Variants in TM6SF2 observed in about 807,000 individuals in gnomAD.
The protein encoded by TM6SF2 is transmembrane 6 superfamily member 2.
Under a neutral mutation model 41.0 loss-of-function variants are expected in TM6SF2, and 29 were observed. The observed-to-expected ratio is 0.71, with a 90% CI of 0.53 to 0.96. TM6SF2 has a LOEUF of 0.96. TM6SF2 is among the 50% of genes least tolerant of loss of function. The pLI is 0.00. For missense variants in TM6SF2, 475 were observed against 499.0 expected (o/e 0.95, Z 0.46); for synonymous variants, 200 against 209.1 (o/e 0.96, Z 0.37).
intron 1 of TM6SF2, 99 bp from the exon 2 acceptor site, chr19:19,271,224 G>T: frequency 1.1e-6 from 1 of 932,958 alleles, no homozygotes; most frequent in Non-Finnish European, 1.8e-6. Context: ...GGAAGCCCCA[G>T]GGGAAGAGAC....
chr19:19,270,187 G>T lies in TM6SF2; in HGVS notation c.387C>A (p.Gly129=), dbSNP rs2074300. The T allele has an allele frequency of 0.19, 308,091 of 1,613,696 alleles. 31,676 individuals carry two copies. The highest frequency in any genetic ancestry group is 0.33 in the South Asian group (30,384 of 91,030). The change falls in exon 4 of 10, where the codon GGC becomes GGA. Residue 129 remains glycine, a synonymous_variant. Transcript: ENST00000389363. Reference sequence around the variant, plus strand: ...GCCTCCTGCACCTTCTGCAGATGGCGCCGGCCATGGCCAGGTAGAGGAGGT... The same window carrying T: ...GCCTCCTGCACCTTCTGCAGATGGCTCCGGCCATGGCCAGGTAGAGGAGGT... ...VHYLLYLAMA[G]AICRRKRYRN...
intron 1 of TM6SF2, among the ~76,000 whole-genome samples, chr19:19,272,803 G>A (rs1252337801): frequency 6.6e-6 from 1 of 151,960 alleles, no homozygotes; most frequent in Non-Finnish European, 1.5e-5. Context: ...CCTAGGCAGG[G>A]CGCATCCCTG....
chr19:19,272,776 C>A (rs2061029087), intron 1 of TM6SF2, among the ~76,000 whole-genome samples: 1 of 150,358 alleles, frequency 6.7e-6, no homozygotes, highest in African/African-American at 2.5e-5. Context: ...ATACTTTTAC[C>A]CTTGGTGACT....
intron 6 of TM6SF2, among the ~76,000 whole-genome samples, chr19:19,268,318 A>T (rs1303152256): frequency 6.9e-6 from 1 of 145,786 alleles, no homozygotes; most frequent in Non-Finnish European, 1.5e-5. Context: ...TGATCCTCCC[A>T]CCTCAGCCTC....
intron 4 of TM6SF2, 21 bp downstream of exon 4, chr19:19,270,152 C>G: frequency 6.2e-7 from 1 of 1,613,500 alleles, no homozygotes; most frequent in Non-Finnish European, 8.5e-7. Context: ...TCAGGGGCCA[C>G]CCTCTCCCTG....
rs202188864 is a variant in TM6SF2, at chr19:19,269,707, A to G, written c.464T>C (p.Phe155Ser). The change falls in exon 5 of 10, where the codon TTC becomes TCC. Residue 155 changes from phenylalanine (F) to serine (S), a missense_variant. Around this residue, in one of 3 missense-constraint regions of TM6SF2, gnomAD observed 238 missense variants for 228.6 expected, o/e 1.04. Transcript: ENST00000389363. The part of the protein sequence containing the change: ...LGSFAMSILV[F>S]LTGNILGKYS... ...CTTACCAAGAATGTTTCCTGTAAGGAACACCAGGATGCTCATGGCGAAGGA... is the reference window on the plus strand; with the variant it reads ...CTTACCAAGAATGTTTCCTGTAAGGGACACCAGGATGCTCATGGCGAAGGA... The G allele has an allele frequency of 4.5e-4, 721 of 1,614,136 alleles. No individual in the cohort carries two copies. The highest frequency in any genetic ancestry group is 5.7e-4 in the Non-Finnish European group (673 of 1,180,006).
In TM6SF2 at chr19:19,266,787, G is replaced by A. The variant is rs79552617; in HGVS notation, c.805-178C>T. ...TTGGGGATCCTTGCCCCCAACCCCC[G>A]AACACATACACCAAACCTACTAACC... On this transcript the variant is annotated intron_variant, in intron 8 of 9. Coordinates refer to ENST00000389363, the MANE Select transcript of TM6SF2 (RefSeq NM_001001524.3). The A allele has an allele frequency of 2.6e-3, 1,766 of 673,702 alleles. 25 individuals are homozygous for A. The highest frequency in any genetic ancestry group is 0.026 in the African/African-American group (1,410 of 54,748). 41.7% of individuals were successfully genotyped at this position (673,702 alleles called of 1,614,324 possible).
chr19:19,266,207 A>G (rs1345996094), intron 9 of TM6SF2, among the ~76,000 whole-genome samples: 1 of 152,108 alleles, frequency 6.6e-6, no homozygotes. Context: ...CCCTGCCTGG[A>G]GAACTCATCC....
In TM6SF2 at chr19:19,268,381, C is replaced by A. The variant is rs1435229830; in HGVS notation, c.609+249G>T. Among the ~76,000 whole-genome samples, 3 of 151,570 alleles carry A rather than the reference C, an allele frequency of 2.0e-5. No homozygotes were observed. In the East Asian group the frequency reaches 5.8e-4, roughly 29 times the overall value. ...CCACCACATCTGGCTAATTTTTTAA[C>A]TTTTTGTAGAGTTAAAAAATCTGGC... On this transcript the variant is annotated intron_variant, in intron 6 of 9. Transcript: ENST00000389363.
chr19:19,264,938 G>A lies in TM6SF2; in HGVS notation c.925-65C>T, dbSNP rs1245201193. 2.7e-5 allele frequency: 35 copies of A among 1,285,230 alleles called. 1 individual carries two copies. The South Asian group carries it at 3.3e-4, about 12-fold the overall frequency. 79.6% of individuals were successfully genotyped at this position (1,285,230 alleles called of 1,614,324 possible). A position where few individuals can be genotyped will look rare whatever the true frequency, so the allele number is the denominator to read the frequency against. On this transcript the variant is annotated intron_variant, in intron 9 of 9. Transcript: ENST00000389363. ...AAGGAACTGAAATCCCAGCATCACCGACAGCCCCCCAGGTAGGTCAGGCAG... is the reference window on the plus strand; with the variant it reads ...AAGGAACTGAAATCCCAGCATCACCAACAGCCCCCCAGGTAGGTCAGGCAG...
Position 19,273,216 on chromosome 19 carries a change from A to T in TM6SF2, c.-1T>A, listed in dbSNP as rs2061031391. On this transcript the variant is annotated 5_prime_UTR_variant, in exon 1 of 10. Transcript: ENST00000389363. The stretch of plus-strand genomic sequence containing the variant: ...TGCCGGCCAGCGGCGGGATGTCCAT[A>T]GCGGCGGCTGCTGGACCCCGGCTCA... 1.4e-6 allele frequency: 2 copies of T among 1,417,086 alleles called. No homozygotes were observed. Among genetic ancestry groups the T allele is most frequent in the Non-Finnish European group, 1.8e-6 (2 of 1,086,590 alleles). The allele number at this position is 1,417,086 out of a possible 1,614,324, so 87.8% of individuals were successfully genotyped here. A position where few individuals can be genotyped will look rare whatever the true frequency, so the allele number is the denominator to read the frequency against.
rs2074304 is a variant in TM6SF2, at chr19:19,271,131, G to C, written c.96-6C>G. The C allele has an allele frequency of 3.7e-3, 5,913 of 1,613,238 alleles. 229 individuals are homozygous for C. In the Admixed American group the frequency reaches 0.071, roughly 19 times the overall value. On this transcript the variant is annotated splice_region_variant and splice_polypyrimidine_tract_variant and intron_variant, in intron 1 of 9. Coordinates refer to ENST00000389363, the MANE Select transcript of TM6SF2 (RefSeq NM_001001524.3). ...TCAATGCCACCCACAGGGGGCTGTGGAGAGGGAAGCCAAGTCAGGGAGGCC... is the reference window on the plus strand; with the variant it reads ...TCAATGCCACCCACAGGGGGCTGTGCAGAGGGAAGCCAAGTCAGGGAGGCC...
intron 1 of TM6SF2, 39 bp downstream of exon 1, chr19:19,273,082 A>AC: frequency 5.0e-6 from 1 of 200,676 alleles, no homozygotes; most frequent in Non-Finnish European, 7.7e-6. Flanking sequence ...GCCCGCCCCC[A>AC]CTGTCCCCAA....
chr19:19,268,406 C>T (rs1383718261), intron 6 of TM6SF2, among the ~76,000 whole-genome samples: 1 of 152,036 alleles, frequency 6.6e-6, no homozygotes, highest in Non-Finnish European at 1.5e-5. Context: ...AAAAATCTGG[C>T]TGTGTTGCCC....
chr19:19,265,111 G>A (rs192880850), intron 9 of TM6SF2, among the ~76,000 whole-genome samples: 151 of 146,896 alleles, frequency 1.0e-3, no homozygotes, highest in Non-Finnish European at 1.5e-3. Flanking sequence ...GTGCAATCTC[G>A]GTTCACTGCA....
chr19:19,271,257 A>G lies in TM6SF2; in HGVS notation c.96-132T>C, dbSNP rs536329640. The G allele has an allele frequency of 1.4e-4, 104 of 725,360 alleles. 3 individuals are homozygous for G. In the Middle Eastern group the frequency reaches 1.8e-3, roughly 13 times the overall value. 44.9% of individuals were successfully genotyped at this position (725,360 alleles called of 1,614,324 possible). A position where few individuals can be genotyped will look rare whatever the true frequency, so the allele number is the denominator to read the frequency against. On this transcript the variant is annotated intron_variant, in intron 1 of 9. Coordinates refer to ENST00000389363, the MANE Select transcript of TM6SF2 (RefSeq NM_001001524.3). ...GACTAAAGTGTCTGTTCATCCATCA[A>G]TGCTGTTCCCTGAAACTGCTCTCAC...
chr19:19,264,847 G>T lies in TM6SF2; in HGVS notation c.951C>A (p.Ser317=). 2 of 1,585,836 alleles carry T rather than the reference G, an allele frequency of 1.3e-6. No individual in the cohort carries two copies. The highest frequency in any genetic ancestry group is 8.6e-7 in the Non-Finnish European group (1 of 1,167,204). ...GQAQFSHMGA[S]MHLRTPFTYR... ...AGGTGAAGGGTGTGCGCAGGTGCAT[G>T]GAAGCCCCCATGTGCGAGAACTGTG... is the stretch of plus-strand genomic sequence containing the variant. The change falls in exon 10 of 10, where the codon TCC becomes TCA. Residue 317 remains serine (S), a synonymous_variant. Coordinates refer to ENST00000389363, the MANE Select transcript of TM6SF2 (RefSeq NM_001001524.3).
chr19:19,271,750 C>T (rs1472763613), intron 1 of TM6SF2, among the ~76,000 whole-genome samples: 2 of 143,348 alleles, frequency 1.4e-5, no homozygotes, highest in South Asian at 2.3e-4. Flanking sequence ...AGGCTGGTCT[C>T]GAACTCCTGA....
At position 19,268,696 on chromosome 19, in the gene TM6SF2, C is replaced by G. The variant is rs1191135170; in HGVS notation, c.543G>C (p.Val181=). Residue 181 remains valine (V), a synonymous_variant, in exon 6 of 10, where the codon GTG becomes GTC. Coordinates refer to ENST00000389363, the MANE Select transcript of TM6SF2 (RefSeq NM_001001524.3). ...AFFLTIPYLL[V]PCWAGMKVFS... is the part of the protein sequence containing the mutation. ...AGACCTTCATGCCAGCCCAGCATGG[C>G]ACCAGCAGGTAGGGGATGGTGAGGA... 7.5e-6 allele frequency: 12 copies of G among 1,598,196 alleles called. No homozygotes were observed. Among genetic ancestry groups the G allele is most frequent in the South Asian group, 1.1e-5 (1 of 88,546 alleles).
Sources: gnomAD v4.1 joint callset for allele counts (sites outside exome capture counted in the v4.1 genomes callset) on GRCh38, gnomAD v4.1.1 for gene constraint, gnomAD v4.1.1 regional missense constraint, MANE v1.5 for transcripts, NCBI Gene and HGNC (gene_info 2026-07-23, HGNC 2026-07-21) for gene names.